STARD3NL: variants seen among roughly 807,000 people sequenced by gnomAD.
STARD3NL encodes STARD3 N-terminal-like protein.
STARD3NL carries 17 observed loss-of-function variants against 30.9 expected under a neutral mutation model. The observed-to-expected ratio is 0.55, with a 90% CI of 0.38 to 0.82. The LOEUF (loss-of-function observed/expected upper bound fraction) is 0.82. STARD3NL is among the 40% of genes least tolerant of loss of function. The pLI, the probability that STARD3NL is intolerant of heterozygous loss-of-function variation, is 0.00. For synonymous variants in STARD3NL, 112 were observed against 100.5 expected (o/e 1.11, Z -0.69); for missense variants, 234 against 277.6 (o/e 0.84, Z 1.12).
chr7:38,199,319 A>G (rs1452208968), intron 1 of STARD3NL, among the ~76,000 whole-genome samples: 1 of 152,226 alleles, frequency 6.6e-6, no homozygotes, highest in Non-Finnish European at 1.5e-5. Context: ...CTGGAAAAAT[A>G]CCCAAGCTTT....
chr7:38,180,484 G>A (rs936267019), intron 1 of STARD3NL, among the ~76,000 whole-genome samples: 11 of 152,224 alleles, frequency 7.2e-5, no homozygotes, highest in Admixed American at 5.2e-4. Context: ...ATTAGAGCTT[G>A]TATTACTGAC....
Position 38,194,204 on chromosome 7 carries a change from C to G in STARD3NL, c.-58-13243C>G, listed in dbSNP as rs139325146. On this transcript the variant is annotated intron_variant, in intron 1 of 8. Transcript: ENST00000009041. ...ATTACTTATACTTTGAAAGTGACCT[C>G]TTCTATAGTGGTACTTGTATTCCTT... Among the ~76,000 whole-genome samples the G allele has an allele frequency of 7.8e-3, 1,186 of 152,190 alleles. 13 individuals carry two copies. Among genetic ancestry groups the G allele is most frequent in the African/African-American group, 0.028 (1,154 of 41,548 alleles).
intron 8 of STARD3NL, 67 bp from the exon 9 acceptor site, chr7:38,229,856 G>C (rs994329068): frequency 6.9e-6 from 1 of 144,406 alleles, no homozygotes; most frequent in African/African-American, 2.6e-5. Context: ...GTACATGTAA[G>C]GTGACCGTGG....
At chr7:38,221,161 C>T (rs574421616) in intron 7 of STARD3NL, among the ~76,000 whole-genome samples, 1 of 152,222 alleles carries the variant, frequency 6.6e-6, no homozygotes, top group Admixed American at 6.5e-5. Flanking sequence ...GGATGGCATG[C>T]TTAAAAATGG....
At chr7:38,217,115 T>TTCTATA (rs1786165172) in intron 5 of STARD3NL, 37 bp downstream of exon 5, 1 of 1,613,810 alleles carries the variant, frequency 6.2e-7, no homozygotes, top group Non-Finnish European at 8.5e-7. Context: ...GTTACCATCT[T>TTCTATA]CAGTGATGAA....
chr7:38,205,601 T>C (rs1056783279), intron 1 of STARD3NL, among the ~76,000 whole-genome samples: 19 of 150,544 alleles, frequency 1.3e-4, no homozygotes, highest in Admixed American at 1.3e-3. Flanking sequence ...TACCTTATGA[T>C]AAAGTCTTTT....
intron 1 of STARD3NL, among the ~76,000 whole-genome samples, chr7:38,198,799 C>T (rs1182001449): frequency 6.6e-6 from 1 of 152,170 alleles, no homozygotes; most frequent in Non-Finnish European, 1.5e-5. Flanking sequence ...CAGCTGCTGT[C>T]CACCATCTGG....
chr7:38,210,089 C>T lies in STARD3NL; in HGVS notation c.225+2360C>T, dbSNP rs117329952. Among the ~76,000 whole-genome samples, 3 of 152,276 alleles carry T rather than the reference C, an allele frequency of 2.0e-5. No individual in the cohort carries two copies. The East Asian group carries it at 5.8e-4, about 29-fold the overall frequency. ...GTCTTGACCTGGTGTTTTCACTACA[C>T]GCAGTACCATTCATTTTGCTTTGTT... On this transcript the variant is annotated intron_variant, in intron 2 of 8. Transcript: ENST00000009041.
At chr7:38,224,080 C>T (rs71546634) in intron 7 of STARD3NL, among the ~76,000 whole-genome samples, 3 of 152,112 alleles carry the variant, frequency 2.0e-5, no homozygotes, top group African/African-American at 4.8e-5. Flanking sequence ...TGCATCCAGC[C>T]TCTTGCTTAG....
chr7:38,216,824 A>G, intron 4 of STARD3NL: 2 of 586,512 alleles, frequency 3.4e-6, no homozygotes. Context: ...TCATTTAGGG[A>G]TTGTGTCACA....
At chr7:38,212,653 G>A (rs1483524244) in intron 2 of STARD3NL, among the ~76,000 whole-genome samples, 1 of 152,176 alleles carries the variant, frequency 6.6e-6, no homozygotes, top group East Asian at 1.9e-4. Flanking sequence ...GGGACAGATT[G>A]GCAGTAAGAA....
At chr7:38,220,368 A>G (rs974885356) in intron 7 of STARD3NL, among the ~76,000 whole-genome samples, 2 of 152,270 alleles carry the variant, frequency 1.3e-5, no homozygotes, top group Non-Finnish European at 2.9e-5. Context: ...CAATAAGCAC[A>G]TAAAAGATGC....
At position 38,191,442 on chromosome 7, in the gene STARD3NL, GTCT is replaced by G. The variant is rs539956640; in HGVS notation, c.-59+13027_-59+13029del. On this transcript the variant is annotated intron_variant, in intron 1 of 8. Transcript: ENST00000009041. ...TTTTTTAATGGTTATAACTTTTTGTGTCTTCTTTAAGAAATCTTTGCAAAAAAT... is the reference window on the plus strand; with the variant it reads ...TTTTTTAATGGTTATAACTTTTTGTGTCTTTAAGAAATCTTTGCAAAAAAT... 4.7e-3 allele frequency among the ~76,000 whole-genome samples: 713 copies of G among 152,054 alleles called. 4 individuals are homozygous for G. Among genetic ancestry groups the G allele is most frequent in the African/African-American group, 0.016 (664 of 41,494 alleles).
chr7:38,222,983 A>C (rs1786552674), intron 7 of STARD3NL, among the ~76,000 whole-genome samples: 1 of 152,156 alleles, frequency 6.6e-6, no homozygotes, highest in Non-Finnish European at 1.5e-5. Context: ...CAGTAGCTTG[A>C]GGTTCTAAGC....
At chr7:38,229,501 A>G (rs546937736) in intron 8 of STARD3NL, among the ~76,000 whole-genome samples, 1 of 152,376 alleles carries the variant, frequency 6.6e-6, no homozygotes, top group Non-Finnish European at 1.5e-5. Context: ...CCTCATAAAT[A>G]GAAGGCAATT....
At chr7:38,212,091 C>T (rs1327184362) in intron 2 of STARD3NL, among the ~76,000 whole-genome samples, 1 of 152,172 alleles carries the variant, frequency 6.6e-6, no homozygotes, top group Admixed American at 6.6e-5. Context: ...ATCCATTCTT[C>T]TCACAGTAGC....
Position 38,214,382 on chromosome 7 carries a change from T to C in STARD3NL, c.251T>C (p.Leu84Ser). 6.2e-7 allele frequency: 1 copy of C among 1,608,258 alleles called. No homozygotes were observed. Among genetic ancestry groups the C allele is most frequent in the Non-Finnish European group, 8.5e-7 (1 of 1,175,712 alleles). ...GTGAATGGAGGCATTGAGAACACAT[T>C]AGAGAAGGAGGTGATGCAGTATGAC... ...LNVNGGIENT[L>S]EKEVMQYDYY... Residue 84 changes from leucine (L) to serine (S), a missense_variant, in exon 3 of 9, where the codon TTA becomes TCA. Physicochemically the swap from Leu to Ser is moderately radical, Grantham distance 145. Coordinates refer to ENST00000009041, the MANE Select transcript of STARD3NL (RefSeq NM_032016.4).
In STARD3NL at chr7:38,194,213, T is replaced by C. The variant is rs543718102; in HGVS notation, c.-58-13234T>C. 2.5e-4 allele frequency among the ~76,000 whole-genome samples: 38 copies of C among 152,296 alleles called. No homozygotes were observed. The South Asian group carries it at 5.6e-3, about 22-fold the overall frequency. ...ACTTTGAAAGTGACCTCTTCTATAG[T>C]GGTACTTGTATTCCTTTATTAGTAC... On this transcript the variant is annotated intron_variant, in intron 1 of 8. Coordinates refer to ENST00000009041, the MANE Select transcript of STARD3NL (RefSeq NM_032016.4).
At chr7:38,194,389 A>G (rs1041003854) in intron 1 of STARD3NL, among the ~76,000 whole-genome samples, 1 of 152,112 alleles carries the variant, frequency 6.6e-6, no homozygotes, top group African/African-American at 2.4e-5. Flanking sequence ...CCAGGTTGCA[A>G]CAGTTATCAT....
Sources: gnomAD v4.1 joint callset for allele counts (sites outside exome capture counted in the v4.1 genomes callset) on GRCh38, gnomAD v4.1.1 for gene constraint, MANE v1.5 for transcripts, NCBI Gene and HGNC (gene_info 2026-07-23, HGNC 2026-07-21) for gene names.